DOCK10: variants seen among roughly 807,000 people sequenced by gnomAD.
The protein encoded by DOCK10 is dedicator of cytokinesis protein 10.
DOCK10 carries 145 observed loss-of-function variants against 280.1 expected under a neutral mutation model. That is an observed-to-expected ratio of 0.52 (90% CI 0.45 to 0.59). The LOEUF (loss-of-function observed/expected upper bound fraction) is 0.59, where lower values mean the gene tolerates loss of function less well. Ranked by LOEUF, DOCK10 falls within the 20% of genes least tolerant of loss-of-function variation. The pLI, the probability that DOCK10 is intolerant of heterozygous loss-of-function variation, is 0.00. For missense variants in DOCK10, 2,368 were observed against 2,651.7 expected (o/e 0.89, Z 2.35); for synonymous variants, 915 against 942.2 (o/e 0.97, Z 0.53).
At chr2:224,913,370 T>C (rs891672663) in intron 3 of DOCK10, among the ~76,000 whole-genome samples, 2 of 152,212 alleles carry the variant, frequency 1.3e-5, no homozygotes, top group African/African-American at 2.4e-5. Context: ...TGTATGTCTC[T>C]TAGCCTACTG....
rs548199755 is a variant in DOCK10 at position 224,857,226 on chromosome 2, T to C, written c.1686-244A>G. 3.7e-3 allele frequency among the ~76,000 whole-genome samples: 557 copies of C among 152,364 alleles called. 1 individual carries two copies. Among genetic ancestry groups the C allele is most frequent in the Non-Finnish European group, 5.0e-3 (341 of 68,032 alleles). ...TTCCATATTACAACTATATTTTTTA[T>C]GATGTCTCACATTTAATAACTTGTA... is the stretch of plus-strand genomic sequence containing the variant. On this transcript the variant is annotated intron_variant, in intron 14 of 55. Coordinates refer to ENST00000258390, the MANE Select transcript of DOCK10 (RefSeq NM_014689.3).
chr2:224,789,901 C>T (rs1293994597), intron 47 of DOCK10, among the ~76,000 whole-genome samples: 2 of 152,124 alleles, frequency 1.3e-5, no homozygotes, highest in African/African-American at 4.8e-5. Flanking sequence ...CTGCCTCAGC[C>T]TCCTGAGTAG....
intron 1 of DOCK10, among the ~76,000 whole-genome samples, chr2:225,019,686 C>G (rs2106096974): frequency 6.6e-6 from 1 of 152,286 alleles, no homozygotes; most frequent in East Asian, 1.9e-4. Flanking sequence ...TTTATTCCGT[C>G]TTCACTGGAA....
chr2:225,011,942 C>T (rs767434088), intron 1 of DOCK10, among the ~76,000 whole-genome samples: 9 of 152,204 alleles, frequency 5.9e-5, no homozygotes, highest in East Asian at 5.8e-4. Flanking sequence ...GAATTAAAAA[C>T]GAGCTCACAT....
chr2:224,805,035 A>C lies in DOCK10; in HGVS notation c.4118+23T>G. The stretch of plus-strand genomic sequence containing the variant: ...TTAGAAATTTCCAGAAAAAAGTGTT[A>C]AGTCATCAACTCTAAAACTTACTCC... On this transcript the variant is annotated intron_variant, in intron 37 of 55. Coordinates refer to ENST00000258390, the MANE Select transcript of DOCK10 (RefSeq NM_014689.3). This position sits in a 1 kb window ranked among gnomAD's most constrained non-coding sequence, Gnocchi z 4.3. 1 of 1,580,574 alleles carries C rather than the reference A, an allele frequency of 6.3e-7. No individual in the cohort carries two copies. Among genetic ancestry groups the C allele is most frequent in the Non-Finnish European group, 8.6e-7 (1 of 1,165,274 alleles).
At chr2:224,975,633 G>C (rs1314517903) in intron 1 of DOCK10, among the ~76,000 whole-genome samples, 1 of 152,126 alleles carries the variant, frequency 6.6e-6, no homozygotes, top group Non-Finnish European at 1.5e-5. Context: ...ATTTCCTTTG[G>C]AGTAGTTTCC....
intron 1 of DOCK10, among the ~76,000 whole-genome samples, chr2:224,997,781 C>T (rs1706315615): frequency 6.6e-6 from 1 of 152,036 alleles, no homozygotes; most frequent in Admixed American, 6.6e-5. Context: ...CTTGAAAGCA[C>T]CAGGATAGAA....
At chr2:224,804,915 T>C in intron 37 of DOCK10, 74 bp from the exon 38 acceptor site, 1 of 1,287,042 alleles carries the variant, frequency 7.8e-7, no homozygotes, top group East Asian at 2.6e-5. Context: ...CTAAGTATAT[T>C]GAAAGAAAAA....
intron 51 of DOCK10, among the ~76,000 whole-genome samples, chr2:224,775,498 CAGGGTCTTGCTCTGTCTCCT>C (rs1366057178): frequency 1.3e-5 from 2 of 151,384 alleles, no homozygotes; most frequent in African/African-American, 4.9e-5. Context: ...TTTTTTGAGA[CAGGGTCTTGCTCTGTCTCCT>C]AGGCTGGAGT....
In DOCK10 at chr2:224,765,516, C is replaced by T. The variant is rs1045654; in HGVS notation, c.*205G>A. The T allele has an allele frequency of 0.59, 273,745 of 464,412 alleles. 84,300 individuals carry two copies. Among genetic ancestry groups the T allele is most frequent in the African/African-American group, 0.86 (42,941 of 50,142 alleles). 28.8% of individuals were successfully genotyped at this position (464,412 alleles called of 1,614,324 possible). A position where few individuals can be genotyped will look rare whatever the true frequency, so the allele number is the denominator to read the frequency against. On this transcript the variant is annotated 3_prime_UTR_variant, in exon 56 of 56. Coordinates refer to ENST00000258390, the MANE Select transcript of DOCK10 (RefSeq NM_014689.3). The stretch of plus-strand genomic sequence containing the variant: ...TGGAATTTCATGGCAAATATTCAAC[C>T]TGGCTTGATCAACACTGCTCAAAGA...
intron 1 of DOCK10, among the ~76,000 whole-genome samples, chr2:224,991,894 A>C (rs1244302641): frequency 1.3e-5 from 2 of 152,190 alleles, no homozygotes; most frequent in African/African-American, 4.8e-5. Context: ...GCATTAGGGA[A>C]ATGACTGATG....
At chr2:224,781,733 G>C (rs1691356906) in intron 50 of DOCK10, among the ~76,000 whole-genome samples, 1 of 152,104 alleles carries the variant, frequency 6.6e-6, no homozygotes, top group Admixed American at 6.5e-5. Flanking sequence ...CTTCTGCTCT[G>C]GTCAAGAAAG....
At chr2:225,025,062 G>A (rs1035265342) in intron 1 of DOCK10, among the ~76,000 whole-genome samples, 3 of 152,100 alleles carry the variant, frequency 2.0e-5, no homozygotes, top group East Asian at 1.9e-4. Flanking sequence ...GTAAATAAAC[G>A]TTCTAGGAAC....
Position 224,774,961 on chromosome 2 carries a change from G to A in DOCK10, c.5957C>T (p.Ser1986Leu), listed in dbSNP as rs527546362. The A allele has an allele frequency of 7.4e-5, 119 of 1,611,214 alleles. No homozygotes were observed. Among genetic ancestry groups the A allele is most frequent in the Middle Eastern group, 5.0e-4 (3 of 6,052 alleles). Residue 1986 changes from serine (S) to leucine (L), a missense_variant, in exon 52 of 56, where the codon TCG becomes TTG. Physicochemically the swap from Ser to Leu is moderately radical, Grantham distance 145. Transcript: ENST00000258390. ...CGCCACCCCACCGTGCTTCTTGCCC[G>A]ACAGCGTGAAGGGTGTCTCGAAGAC... ...RFVFETPFTL[S>L]GKKHGGVAEQ...
At chr2:224,923,547 A>T (rs747834836) in intron 2 of DOCK10, among the ~76,000 whole-genome samples, 11 of 152,180 alleles carry the variant, frequency 7.2e-5, no homozygotes, top group Non-Finnish European at 1.3e-4. Context: ...TGAGTTTACC[A>T]TCCAAGAAAG....
At chr2:224,996,417 G>A (rs1706273602) in intron 1 of DOCK10, among the ~76,000 whole-genome samples, 1 of 152,234 alleles carries the variant, frequency 6.6e-6, no homozygotes. Flanking sequence ...TGTAACAATG[G>A]AGAAGAGACT....
chr2:224,848,839 G>T (rs78743618), intron 19 of DOCK10, among the ~76,000 whole-genome samples: 2,664 of 152,210 alleles, frequency 0.018, 77 homozygotes, highest in African/African-American at 0.061. Flanking sequence ...ATGAAATGCT[G>T]CCATTCATTG....
chr2:224,911,819 C>T (rs147175448), intron 3 of DOCK10, among the ~76,000 whole-genome samples: 5 of 152,206 alleles, frequency 3.3e-5, no homozygotes, highest in East Asian at 1.9e-4. Context: ...GTTCCTAAAA[C>T]GATAGAAACA....
Position 225,042,370 on chromosome 2 carries a change from G to A in DOCK10, c.5C>T (p.Ala2Val), listed in dbSNP as rs1690463003. 8.0e-7 allele frequency: 1 copy of A among 1,257,758 alleles called. No individual in the cohort carries two copies. 77.9% of individuals were successfully genotyped at this position (1,257,758 alleles called of 1,614,324 possible). A position where few individuals can be genotyped will look rare whatever the true frequency, so the allele number is the denominator to read the frequency against. The change falls in exon 1 of 56, where the codon GCC becomes GTC. Residue 2 changes from alanine (A) to valine (V), a missense_variant. Around this residue, in one of 2 missense-constraint regions of DOCK10, gnomAD observed 1,209 missense variants for 1,250.9 expected, o/e 0.97. Coordinates refer to ENST00000258390, the MANE Select transcript of DOCK10 (RefSeq NM_014689.3). The surrounding 1 kb of genome is among the most constrained non-coding windows in gnomAD (Gnocchi z 5.1). ...GGTGAACCTGCGGGTCCGCTCACCG[G>A]CCATCGCCGGTCACGCCAATCGCGC... The part of the protein sequence containing the change: M[A>V]GERTRRFTRS...
Sources: allele counts gnomAD v4.1 joint callset (sites outside exome capture counted in the v4.1 genomes callset), GRCh38; gene constraint gnomAD v4.1.1; regional missense constraint gnomAD v4.1.1; non-coding constraint Gnocchi (gnomAD v3.1); transcripts MANE v1.5; gene names NCBI Gene and HGNC (gene_info 2026-07-23, HGNC 2026-07-21).